Variants in PUDP observed in about 807,000 individuals in gnomAD.
PUDP encodes the protein pseudouridine 5'-phosphatase.
In PUDP, 8 loss-of-function variants were observed where a neutral mutation model predicts 9.4. That is an observed-to-expected ratio of 0.85 (90% CI 0.50 to 1.53). The LOEUF is 1.53. Ranked by LOEUF, PUDP falls within the 40% of genes most tolerant of loss-of-function variation. PUDP has a pLI of 0.00. For synonymous variants in PUDP, 99 were observed against 80.7 expected, an observed-to-expected ratio of 1.23 and a Z score of -1.22; for missense variants, 188 against 189.7, an observed-to-expected ratio of 0.99 and a Z score of 0.05.
In PUDP at chrX:7,053,544, G is replaced by T. The variant is rs547927052; in HGVS notation, c.511-3072C>A. ...GGTTTTATAAGGGGAAACCCCTTTC[G>T]CTTGGCTCTTATTCTCTCTCTTGCC... On this transcript the variant is annotated intron_variant, in intron 3 of 3. Coordinates refer to ENST00000381077, the MANE Select transcript of PUDP (RefSeq NM_012080.5). Among the ~76,000 whole-genome samples, 11 of 111,737 alleles carry T rather than the reference G, an allele frequency of 9.8e-5. No homozygotes were observed. The South Asian group carries it at 4.2e-3, about 43-fold the overall frequency.
At chrX:6,742,563 G>A (rs773242017) in intron 3 of PUDP, among the ~76,000 whole-genome samples, 1 of 112,132 alleles carries the variant, frequency 8.9e-6, no homozygotes, top group Non-Finnish European at 1.9e-5. Flanking sequence ...GAGCCTAGGA[G>A]TTCTAGACCA....
intron 3 of PUDP, among the ~76,000 whole-genome samples, chrX:6,797,062 T>TA (rs1341454886): frequency 8.9e-6 from 1 of 111,974 alleles, no homozygotes; most frequent in African/African-American, 3.2e-5. Flanking sequence ...TTGTTAAATT[T>TA]AAAAAAGAAC....
chrX:6,803,247 C>A (rs1019146784), intron 3 of PUDP, among the ~76,000 whole-genome samples: 5 of 110,743 alleles, frequency 4.5e-5, no homozygotes, highest in African/African-American at 6.6e-5. Context: ...ATTCTTGATG[C>A]TAATCAGAAT....
chrX:6,865,797 A>C (rs907712550), intron 3 of PUDP, among the ~76,000 whole-genome samples: 4 of 112,093 alleles, frequency 3.6e-5, no homozygotes, highest in East Asian at 5.6e-4. Flanking sequence ...CTAAAAAAAA[A>C]ACAGATTTTA....
At chrX:6,860,616 C>T (rs1364723623) in intron 3 of PUDP, among the ~76,000 whole-genome samples, 5 of 110,909 alleles carry the variant, frequency 4.5e-5, no homozygotes, top group Admixed American at 2.9e-4. Flanking sequence ...GGATTACAGG[C>T]GTGTGCCACC....
intron 3 of PUDP, among the ~76,000 whole-genome samples, chrX:6,813,335 C>CT (rs1313374562): frequency 1.8e-5 from 2 of 111,471 alleles, no homozygotes; most frequent in Non-Finnish European, 3.8e-5. Context: ...TCAACTATGG[C>CT]TTTTTTTAAA....
chrX:6,791,487 C>T (rs993825914), intron 3 of PUDP, among the ~76,000 whole-genome samples: 1 of 111,445 alleles, frequency 9.0e-6, no homozygotes, highest in African/African-American at 3.3e-5. Flanking sequence ...AATTGCTAGT[C>T]ATCTGACCTT....
intron 3 of PUDP, among the ~76,000 whole-genome samples, chrX:6,831,142 G>C (rs1467303516): frequency 9.0e-6 from 1 of 111,635 alleles, no homozygotes; most frequent in Non-Finnish European, 1.9e-5. Flanking sequence ...AAGATCAAAT[G>C]AGCCAGTTTA....
rs58465915 is a variant in PUDP, at chrX:7,098,010, G to A, written c.280+7610C>T. On this transcript the variant is annotated intron_variant, in intron 2 of 3. Transcript: ENST00000381077. ...CTGGTGTGTGCTTTTCAACGAAGCC[G>A]AGCAGGGATGGAGAACGACCTTACT... is the stretch of plus-strand genomic sequence containing the variant. 3.1e-3 allele frequency among the ~76,000 whole-genome samples: 343 copies of A among 110,939 alleles called. 3 individuals are homozygous for A. In the South Asian group the frequency reaches 0.058, roughly 19 times the overall value.
chrX:6,862,407 T>C (rs1195595225), intron 3 of PUDP, among the ~76,000 whole-genome samples: 1 of 112,651 alleles, frequency 8.9e-6, no homozygotes, highest in Non-Finnish European at 1.9e-5. Flanking sequence ...TAGCAGATCA[T>C]TTGCTGAAAT....
chrX:7,062,887 A>ATT (rs199914841), intron 3 of PUDP, among the ~76,000 whole-genome samples: 11 of 79,664 alleles, frequency 1.4e-4, no homozygotes, highest in Non-Finnish European at 1.4e-4. Flanking sequence ...TGACTGCTTA[A>ATT]TTTTTTTTTT....
intron 3 of PUDP, among the ~76,000 whole-genome samples, chrX:6,801,902 A>T (rs1019728107): frequency 6.2e-5 from 7 of 112,081 alleles, no homozygotes; most frequent in African/African-American, 2.3e-4. Context: ...GTCAGACAGC[A>T]TGACATAAAA....
At chrX:7,024,813 G>A (rs1216968556) in intron 1 of PUDP, among the ~76,000 whole-genome samples, 1 of 92,278 alleles carries the variant, frequency 1.1e-5, no homozygotes, top group African/African-American at 4.2e-5. Flanking sequence ...GGATGGTCTC[G>A]ATCTCCTGAC....
At position 6,752,126 on chromosome X, in the gene PUDP, ACC is replaced by A. The variant is rs1302862762; in HGVS notation, c.*248-45662_*248-45661del. Reference sequence around the variant, plus strand: ...GGACTATAAATCCTCATTCATTCTGACCTCCTTCGGAAGCATTTAAACCCCAT... The same window carrying A: ...GGACTATAAATCCTCATTCATTCTGATCCTTCGGAAGCATTTAAACCCCAT... On this transcript the variant is annotated intron_variant and NMD_transcript_variant, in intron 3 of 3. Transcript: ENST00000655425. 6.4e-5 allele frequency among the ~76,000 whole-genome samples: 7 copies of A among 110,117 alleles called. No homozygotes were observed. The East Asian group carries it at 1.1e-3, about 18-fold the overall frequency.
intron 1 of PUDP, among the ~76,000 whole-genome samples, chrX:7,012,215 CT>C (rs1364457043): frequency 8.9e-6 from 1 of 111,934 alleles, no homozygotes; most frequent in African/African-American, 3.3e-5. Flanking sequence ...ATAGATACCC[CT>C]GAGCCATTCT....
At chrX:6,905,458 C>T (rs773454588) in intron 3 of PUDP, among the ~76,000 whole-genome samples, 2 of 111,803 alleles carry the variant, frequency 1.8e-5, no homozygotes, top group Non-Finnish European at 3.8e-5. Flanking sequence ...AATCATGGCG[C>T]AAGGCAAAGA....
Position 6,803,060 on chromosome X carries a change from T to TAAA in PUDP, c.*248-96595_*248-96594insTTT, listed in dbSNP as rs1474219936. Reference sequence around the variant, plus strand: ...ATATAAAATAAAATATAAAATAAAATATAAAATAAAATAAAATAAAATAAA... The same window carrying TAAA: ...ATATAAAATAAAATATAAAATAAAATAAAATAAAATAAAATAAAATAAAATAAA... On this transcript the variant is annotated intron_variant and NMD_transcript_variant, in intron 3 of 3. Transcript: ENST00000655425. Among the ~76,000 whole-genome samples the TAAA allele has an allele frequency of 1.0e-3, 8 of 7,910 alleles. 2 individuals are homozygous for TAAA. Among genetic ancestry groups the TAAA allele is most frequent in the Non-Finnish European group, 1.3e-3 (7 of 5,283 alleles). 6.9% of individuals were successfully genotyped at this position (7,910 alleles called of 115,157 possible). A position where few individuals can be genotyped will look rare whatever the true frequency, so the allele number is the denominator to read the frequency against.
chrX:7,095,168 C>A (rs1214212959), intron 2 of PUDP, among the ~76,000 whole-genome samples: 7 of 112,470 alleles, frequency 6.2e-5, no homozygotes, highest in African/African-American at 2.3e-4. Flanking sequence ...TCATCTGGGG[C>A]AGTAGAGCGC....
intron 1 of PUDP, among the ~76,000 whole-genome samples, chrX:7,129,948 C>T (rs1932576486): frequency 9.0e-6 from 1 of 111,670 alleles, no homozygotes; most frequent in Non-Finnish European, 1.9e-5. Flanking sequence ...ACACGGAGCA[C>T]CGCCCAACAA....
Sources: gnomAD v4.1 joint callset for allele counts (sites outside exome capture counted in the v4.1 genomes callset) on GRCh38, gnomAD v4.1.1 for gene constraint, MANE v1.5 for transcripts, NCBI Gene and HGNC (gene_info 2026-07-23, HGNC 2026-07-21) for gene names.